Variants in LPGAT1 observed in about 807,000 individuals in gnomAD.
The protein encoded by LPGAT1 is lysophosphatidylglycerol acyltransferase 1, also known as acyl-CoA:lysophosphatidylglycerol acyltransferase 1.
A neutral mutation model predicts 47.5 loss-of-function variants in LPGAT1; 11 were observed. The observed-to-expected ratio is 0.23, with a 90% CI of 0.15 to 0.38. The LOEUF is 0.38. LPGAT1 is among the 10% of genes least tolerant of loss of function. The pLI, the probability that LPGAT1 is intolerant of heterozygous loss-of-function variation, is 1.00. For missense variants in LPGAT1, 293 were observed against 439.0 expected (o/e 0.67, Z 2.97); for synonymous variants, 138 against 144.2 (o/e 0.96, Z 0.31).
chr1:211,799,418 T>C (rs1422117217), intron 2 of LPGAT1, among the ~76,000 whole-genome samples: 1 of 152,176 alleles, frequency 6.6e-6, no homozygotes, highest in African/African-American at 2.4e-5. Flanking sequence ...ATCCCCAATA[T>C]GCAAATGAGG....
intron 4 of LPGAT1, among the ~76,000 whole-genome samples, chr1:211,784,856 T>C (rs750325777): frequency 2.0e-5 from 3 of 148,236 alleles, no homozygotes; most frequent in South Asian, 2.1e-4. Flanking sequence ...CAGGCTGGAG[T>C]GCAGTGGTGC....
intron 3 of LPGAT1, among the ~76,000 whole-genome samples, chr1:211,789,282 G>A (rs996817017): frequency 1.3e-5 from 2 of 152,152 alleles, no homozygotes; most frequent in African/African-American, 4.8e-5. Flanking sequence ...ATTAAGAAGT[G>A]TAGTTGTAAT....
rs1242382067 is a variant in LPGAT1 at position 211,744,272 on chromosome 1, C to G, written c.*5627G>C. 1 of 152,284 alleles carries G rather than the reference C, an allele frequency of 6.6e-6. No individual in the cohort carries two copies. Among genetic ancestry groups the G allele is most frequent in the South Asian group, 2.1e-4 (1 of 4,832 alleles). The allele number at this position is 152,284 out of a possible 1,614,324, so 9.4% of individuals were successfully genotyped here. ...ATACAGCCCCTACTGATTCCCAAGACCCAGTGGTCACATTTTAGAATTTTG... is the reference window on the plus strand; with the variant it reads ...ATACAGCCCCTACTGATTCCCAAGAGCCAGTGGTCACATTTTAGAATTTTG... On this transcript the variant is annotated 3_prime_UTR_variant, in exon 8 of 8. Transcript: ENST00000366997.
intron 6 of LPGAT1, among the ~76,000 whole-genome samples, chr1:211,760,467 T>C (rs542935115): frequency 4.0e-5 from 6 of 150,394 alleles, no homozygotes; most frequent in Admixed American, 3.3e-4. Context: ...CCAACCCCCC[T>C]CAAAAAAGAA....
chr1:211,784,802 T>C (rs1015841261), intron 4 of LPGAT1, among the ~76,000 whole-genome samples: 1 of 132,066 alleles, frequency 7.6e-6, no homozygotes, highest in Admixed American at 8.3e-5. Context: ...CAAAGGTTCT[T>C]TCTTTTTTTT....
chr1:211,812,101 G>A (rs994761196), intron 2 of LPGAT1, among the ~76,000 whole-genome samples: 1 of 152,120 alleles, frequency 6.6e-6, no homozygotes, highest in East Asian at 1.9e-4. Context: ...CTTGTTAAAC[G>A]GCCTGGCACA....
chr1:211,751,711 A>C (rs981933515), intron 6 of LPGAT1, among the ~76,000 whole-genome samples: 2 of 152,170 alleles, frequency 1.3e-5, no homozygotes, highest in Non-Finnish European at 2.9e-5. Context: ...ATATTTGCTG[A>C]CCTTGAAAAA....
intron 2 of LPGAT1, among the ~76,000 whole-genome samples, chr1:211,796,200 A>C (rs1659344071): frequency 6.6e-6 from 1 of 152,218 alleles, no homozygotes; most frequent in Non-Finnish European, 1.5e-5. Context: ...TTTAAATATG[A>C]AAACATAAAT....
At chr1:211,767,771 C>A (rs1235103546) in intron 6 of LPGAT1, among the ~76,000 whole-genome samples, 5 of 152,048 alleles carry the variant, frequency 3.3e-5, no homozygotes, top group African/African-American at 1.2e-4. Context: ...GAGAAAAGTC[C>A]TAGCATAAGA....
chr1:211,791,718 G>GTTTCCCTGCTTTCCT (rs1553310593), intron 3 of LPGAT1, among the ~76,000 whole-genome samples: 1 of 140,586 alleles, frequency 7.1e-6, no homozygotes, highest in Non-Finnish European at 1.5e-5. Flanking sequence ...CTGCACTCCA[G>GTTTCCCTGCTTTCCT]CCTGGGCAAC....
chr1:211,786,332 T>G (rs926335125), intron 4 of LPGAT1, among the ~76,000 whole-genome samples: 6 of 152,230 alleles, frequency 3.9e-5, no homozygotes, highest in Admixed American at 1.3e-4. Flanking sequence ...ATTTCTGAAT[T>G]TGTGGTTCTT....
chr1:211,774,203 C>T (rs1267494349), intron 6 of LPGAT1, among the ~76,000 whole-genome samples: 2 of 121,466 alleles, frequency 1.6e-5, no homozygotes, highest in Non-Finnish European at 1.6e-5. Flanking sequence ...GGCACAATCT[C>T]GGCTCACCAC....
At chr1:211,798,939 A>C (rs1266233661) in intron 2 of LPGAT1, among the ~76,000 whole-genome samples, 3 of 152,074 alleles carry the variant, frequency 2.0e-5, no homozygotes, top group Non-Finnish European at 4.4e-5. Context: ...CTACCTAGAA[A>C]AGAGAGGGAG....
At chr1:211,797,417 T>G (rs1472255248) in intron 2 of LPGAT1, among the ~76,000 whole-genome samples, 2 of 151,726 alleles carry the variant, frequency 1.3e-5, no homozygotes, top group Non-Finnish European at 2.9e-5. Context: ...CACACCCAGT[T>G]TGGATCAACT....
chr1:211,778,424 C>T (rs1212704228), intron 6 of LPGAT1, among the ~76,000 whole-genome samples: 1 of 151,334 alleles, frequency 6.6e-6, no homozygotes, highest in South Asian at 2.1e-4. Flanking sequence ...CAAGAAAGAA[C>T]CATAAAAATG....
chr1:211,751,943 C>G (rs2102486256), intron 6 of LPGAT1, among the ~76,000 whole-genome samples: 1 of 152,254 alleles, frequency 6.6e-6, no homozygotes, highest in South Asian at 2.1e-4. Flanking sequence ...TTTAGGCCTT[C>G]TCTACTGACT....
chr1:211,800,298 C>G (rs939369335), intron 2 of LPGAT1, among the ~76,000 whole-genome samples: 1 of 151,270 alleles, frequency 6.6e-6, no homozygotes, highest in Admixed American at 6.6e-5. Flanking sequence ...TGGGATTACA[C>G]GTGTGAGCCA....
chr1:211,826,833 C>T (rs766070340), intron 2 of LPGAT1, among the ~76,000 whole-genome samples: 1 of 152,168 alleles, frequency 6.6e-6, no homozygotes, highest in Non-Finnish European at 1.5e-5. Flanking sequence ...ATTCCTTTGG[C>T]AATGTTCAAT....
chr1:211,774,605 C>A (rs1487727491), intron 6 of LPGAT1, among the ~76,000 whole-genome samples: 1 of 152,126 alleles, frequency 6.6e-6, no homozygotes, highest in African/African-American at 2.4e-5. Flanking sequence ...TGAAACACAG[C>A]AATACTACCT....
Sources: gnomAD v4.1 joint callset for allele counts (sites outside exome capture counted in the v4.1 genomes callset) on GRCh38, gnomAD v4.1.1 for gene constraint, MANE v1.5 for transcripts, NCBI Gene and HGNC (gene_info 2026-07-23, HGNC 2026-07-21) for gene names.